RIT2: variants seen among roughly 807,000 people sequenced by gnomAD.
RIT2 encodes the protein GTP-binding protein Rit2.
RIT2 carries 24 observed loss-of-function variants against 23.7 expected under a neutral mutation model. The observed-to-expected ratio is 1.01, with a 90% confidence interval of 0.73 to 1.43. The LOEUF (loss-of-function observed/expected upper bound fraction) is 1.43. Among genes scored for constraint, RIT2 ranks in the 40% most tolerant of loss-of-function variants. The pLI, the probability that RIT2 is intolerant of heterozygous loss-of-function variation, is 0.00. For synonymous variants in RIT2, 107 were observed against 91.1 expected (o/e 1.17, Z -0.99); for missense variants, 236 against 266.9 (o/e 0.88, Z 0.81).
At chr18:42,751,301 A>T (rs1265473677) in intron 4 of RIT2, among the ~76,000 whole-genome samples, 1 of 151,876 alleles carries the variant, frequency 6.6e-6, no homozygotes, top group African/African-American at 2.4e-5. Context: ...TAAATCCATA[A>T]ATTCTTTAAG....
At chr18:43,079,802 A>C (rs1037333121) in intron 1 of RIT2, among the ~76,000 whole-genome samples, 2 of 152,188 alleles carry the variant, frequency 1.3e-5, no homozygotes, top group African/African-American at 4.8e-5. Flanking sequence ...GAAGTTCGTC[A>C]TGATTGGACT....
intron 1 of RIT2, among the ~76,000 whole-genome samples, chr18:43,071,105 A>C (rs1912886723): frequency 6.6e-6 from 1 of 152,206 alleles, no homozygotes; most frequent in South Asian, 2.1e-4. Context: ...TCAGTGATAT[A>C]AATCTTGCAG....
chr18:42,817,487 C>T (rs1394692262), intron 4 of RIT2, among the ~76,000 whole-genome samples: 1 of 152,040 alleles, frequency 6.6e-6, no homozygotes, highest in East Asian at 1.9e-4. Flanking sequence ...TATTAGATGT[C>T]ATAATTATGG....
intron 4 of RIT2, among the ~76,000 whole-genome samples, chr18:42,818,972 G>A (rs910721564): frequency 6.6e-6 from 1 of 152,018 alleles, no homozygotes; most frequent in African/African-American, 2.4e-5. Context: ...TGTTACAAGT[G>A]CTAAATGTTA....
chr18:42,877,948 G>T (rs1301202921), intron 4 of RIT2, among the ~76,000 whole-genome samples: 1 of 151,778 alleles, frequency 6.6e-6, no homozygotes, highest in African/African-American at 2.4e-5. Flanking sequence ...TGAATTCTGT[G>T]TTTAGACTTC....
intron 2 of RIT2, among the ~76,000 whole-genome samples, chr18:42,978,898 G>A (rs563704867): frequency 6.6e-6 from 1 of 152,012 alleles, no homozygotes; most frequent in South Asian, 2.1e-4. Flanking sequence ...ACTAGTCAAC[G>A]CATGGGAGTT....
At chr18:42,846,594 C>A (rs1031479099) in intron 4 of RIT2, among the ~76,000 whole-genome samples, 2 of 151,738 alleles carry the variant, frequency 1.3e-5, no homozygotes, top group Non-Finnish European at 2.9e-5. Flanking sequence ...CATTAAATCA[C>A]AAATTGAGGT....
At chr18:42,900,683 G>A (rs1908452530) in intron 4 of RIT2, among the ~76,000 whole-genome samples, 1 of 152,038 alleles carries the variant, frequency 6.6e-6, no homozygotes, top group Non-Finnish European at 1.5e-5. Context: ...TAATATCAGT[G>A]TTGATAGTAC....
intron 4 of RIT2, among the ~76,000 whole-genome samples, chr18:42,793,904 T>C (rs1486905177): frequency 6.6e-6 from 1 of 152,180 alleles, no homozygotes; most frequent in African/African-American, 2.4e-5. Flanking sequence ...TGACTTTTTC[T>C]TTCCACATTT....
intron 2 of RIT2, among the ~76,000 whole-genome samples, chr18:43,026,634 A>AAGAGAG (rs778464703): frequency 2.0e-5 from 2 of 100,278 alleles, no homozygotes; most frequent in Non-Finnish European, 4.6e-5. Context: ...GAAAGAAAGA[A>AAGAGAG]AGAGAGAAAG....
At chr18:42,983,408 G>GAA (rs1033949116) in intron 2 of RIT2, among the ~76,000 whole-genome samples, 1 of 146,516 alleles carries the variant, frequency 6.8e-6, no homozygotes, top group African/African-American at 2.5e-5. Flanking sequence ...ACAAGTTTTA[G>GAA]AAAAAAAAAA....
At chr18:42,903,485 A>T (rs1232893344) in intron 4 of RIT2, among the ~76,000 whole-genome samples, 4 of 152,146 alleles carry the variant, frequency 2.6e-5, no homozygotes, top group Non-Finnish European at 5.9e-5. Flanking sequence ...ATACAGTATA[A>T]ATGCATTTTT....
At chr18:42,987,313 AAC>A (rs1445098043) in intron 2 of RIT2, among the ~76,000 whole-genome samples, 1 of 152,198 alleles carries the variant, frequency 6.6e-6, no homozygotes, top group Non-Finnish European at 1.5e-5. Flanking sequence ...AGAAGCATGA[AAC>A]AAGCATGTGC....
intron 4 of RIT2, among the ~76,000 whole-genome samples, chr18:42,911,995 T>C (rs1421794498): frequency 1.3e-5 from 2 of 151,904 alleles, no homozygotes; most frequent in African/African-American, 2.4e-5. Flanking sequence ...GTAAAAAATG[T>C]AGACCAATAT....
intron 2 of RIT2, among the ~76,000 whole-genome samples, chr18:42,998,350 G>A (rs1911032773): frequency 6.6e-6 from 1 of 152,078 alleles, no homozygotes; most frequent in Non-Finnish European, 1.5e-5. Context: ...TTGCTCATAA[G>A]TAGAGATGCC....
At chr18:42,968,229 G>A (rs1910283689) in intron 3 of RIT2, among the ~76,000 whole-genome samples, 1 of 152,206 alleles carries the variant, frequency 6.6e-6, no homozygotes, top group African/African-American at 2.4e-5. Flanking sequence ...CAGAGCCACT[G>A]TACTGGAGGA....
chr18:42,835,162 A>G (rs1906561045), intron 4 of RIT2, among the ~76,000 whole-genome samples: 1 of 152,182 alleles, frequency 6.6e-6, no homozygotes, highest in Admixed American at 6.5e-5. Context: ...TGTATTGAAC[A>G]ATATGAGGAC....
rs543688490 is a variant in RIT2 at position 42,743,386 on chromosome 18, T to A, written c.*107A>T. 2 of 818,512 alleles carry A rather than the reference T, an allele frequency of 2.4e-6. No homozygotes were observed. Among genetic ancestry groups the A allele is most frequent in the Non-Finnish European group, 3.9e-6 (2 of 508,228 alleles). 50.7% of individuals were successfully genotyped at this position (818,512 alleles called of 1,614,324 possible). A position where few individuals can be genotyped will look rare whatever the true frequency, so the allele number is the denominator to read the frequency against. On this transcript the variant is annotated 3_prime_UTR_variant, in exon 5 of 5. Coordinates refer to ENST00000326695, the MANE Select transcript of RIT2 (RefSeq NM_002930.4). ...TTGCTTTTACCTACAGGCAGATATT[T>A]AAAGAGAGAGAGACACATAGAGAGA... is the stretch of plus-strand genomic sequence containing the variant.
intron 4 of RIT2, among the ~76,000 whole-genome samples, chr18:42,856,648 C>T (rs1305077067): frequency 6.6e-6 from 1 of 152,072 alleles, no homozygotes; most frequent in Non-Finnish European, 1.5e-5. Context: ...CTGGATTCTG[C>T]CTTCAATTCT....
Sources: allele counts gnomAD v4.1 joint callset (sites outside exome capture counted in the v4.1 genomes callset), GRCh38; gene constraint gnomAD v4.1.1; transcripts MANE v1.5; gene names NCBI Gene and HGNC (gene_info 2026-07-23, HGNC 2026-07-21).